KPNB1: variants seen among roughly 807,000 people sequenced by gnomAD.
KPNB1 encodes karyopherin subunit beta 1, also known as importin subunit beta-1.
Under a neutral mutation model 113.0 loss-of-function variants are expected in KPNB1, and 7 were observed. The ratio of observed to expected loss-of-function variants is 0.06; its 90% CI spans 0.04 to 0.12. The LOEUF is 0.12. KPNB1 is among the 10% of genes least tolerant of loss of function. The probability of loss-of-function intolerance (pLI) is 1.00; values close to 1 mark genes in which losing one functional copy is unlikely to be tolerated. For missense variants in KPNB1, 400 were observed against 1,054.8 expected, an observed-to-expected ratio of 0.38 and a Z score of 8.60; for synonymous variants, 363 against 378.6, an observed-to-expected ratio of 0.96 and a Z score of 0.48.
Position 47,665,198 on chromosome 17 carries a change from C to T in KPNB1, c.999+40C>T, listed in dbSNP as rs1040889806. On this transcript the variant is annotated intron_variant, in intron 9 of 21. Coordinates refer to ENST00000290158, the MANE Select transcript of KPNB1 (RefSeq NM_002265.6). ...AAATATAGGTAGGTAAGCTGTGGAA[C>T]CTTACTAAGAGTAAACTGTGGAAAC... 5 of 1,480,362 alleles carry T rather than the reference C, an allele frequency of 3.4e-6. No homozygotes were observed. In the African/African-American group the frequency reaches 6.9e-5, roughly 20 times the overall value. The allele number at this position is 1,480,362 out of a possible 1,614,324, so 91.7% of individuals were successfully genotyped here.
intron 6 of KPNB1, among the ~76,000 whole-genome samples, chr17:47,661,958 TC>T (rs2030112176): frequency 6.6e-6 from 1 of 152,226 alleles, no homozygotes; most frequent in African/African-American, 2.4e-5. Flanking sequence ...CATAGGTTAT[TC>T]AAGTGATTGT....
At chr17:47,668,656 C>G (rs898144255) in intron 10 of KPNB1, among the ~76,000 whole-genome samples, 1 of 152,116 alleles carries the variant, frequency 6.6e-6, no homozygotes, top group East Asian at 1.9e-4. Flanking sequence ...CCCAGAAATA[C>G]CACTCTTAAC....
At chr17:47,675,361 G>GTTTTTGTTTGTTT (rs2030568124) in intron 15 of KPNB1, among the ~76,000 whole-genome samples, 1 of 88,692 alleles carries the variant, frequency 1.1e-5, no homozygotes, top group African/African-American at 4.6e-5. Flanking sequence ...CAGAGGTGTT[G>GTTTTTGTTTGTTT]TTTTTTTTTT....
chr17:47,684,270 A>T lies in KPNB1; in HGVS notation c.*1866A>T, dbSNP rs571736845. On this transcript the variant is annotated 3_prime_UTR_variant, in exon 22 of 22. Coordinates refer to ENST00000290158, the MANE Select transcript of KPNB1 (RefSeq NM_002265.6). The stretch of plus-strand genomic sequence containing the variant: ...CCATCCATATGGCAGCATCTCTAAT[A>T]GCTCTTGTACAGGGTATCAGATATT... The T allele has an allele frequency of 6.6e-6, 1 of 151,952 alleles. No individual in the cohort carries two copies. The highest frequency in any genetic ancestry group is 2.1e-4 in the South Asian group (1 of 4,812). 9.4% of individuals were successfully genotyped at this position (151,952 alleles called of 1,614,324 possible). A position where few individuals can be genotyped will look rare whatever the true frequency, so the allele number is the denominator to read the frequency against.
chr17:47,660,976 GGGAGAGT>G, intron 5 of KPNB1, 136 bp from the exon 6 acceptor site: 1 of 674,034 alleles, frequency 1.5e-6, no homozygotes, highest in South Asian at 1.6e-5. Flanking sequence ...ACCATCTCAA[GGGAGAGT>G]GGCTTGATTG....
At chr17:47,669,421 G>C (rs1410112520) in intron 10 of KPNB1, among the ~76,000 whole-genome samples, 1 of 152,024 alleles carries the variant, frequency 6.6e-6, no homozygotes, top group South Asian at 2.1e-4. Context: ...CATCATGCCC[G>C]GCCTCTATCT....
At chr17:47,654,066 G>C (rs1915652745) in intron 3 of KPNB1, among the ~76,000 whole-genome samples, 1 of 152,094 alleles carries the variant, frequency 6.6e-6, no homozygotes, top group African/African-American at 2.4e-5. Flanking sequence ...AATTGGAATT[G>C]TAATTGGCTT....
In KPNB1 at chr17:47,677,058, C is replaced by T. The variant is rs72628350; in HGVS notation, c.2034C>T (p.Cys678=). 5,423 of 1,613,972 alleles carry T rather than the reference C, an allele frequency of 3.4e-3. 140 individuals are homozygous for T. In the East Asian group the frequency reaches 0.072, roughly 21 times the overall value. The change falls in exon 17 of 22, where the codon TGC becomes TGT. Residue 678 remains cysteine, a synonymous_variant. Coordinates refer to ENST00000290158, the MANE Select transcript of KPNB1 (RefSeq NM_002265.6). ...CTGTGGGCTTAGTGGGAGACTTGTG[C>T]CGTGCCCTGCAATCCAACATCATAC... ...LAAVGLVGDL[C]RALQSNIIPF...
intron 19 of KPNB1, chr17:47,678,687 A>G (rs988309837): frequency 8.3e-6 from 3 of 359,916 alleles, no homozygotes; most frequent in African/African-American, 6.2e-5. Context: ...GGCTCACTGC[A>G]ACCTCCACCT....
chr17:47,676,244 T>C (rs1286987727), intron 15 of KPNB1, among the ~76,000 whole-genome samples, 165 bp from the exon 16 acceptor site: 1 of 152,232 alleles, frequency 6.6e-6, no homozygotes, highest in African/African-American at 2.4e-5. Flanking sequence ...ATTTGGCTTA[T>C]GCAAGCCTTT....
rs978370601 is a variant in KPNB1 at position 47,670,559 on chromosome 17, C to A, written c.1417-143C>A. The A allele has an allele frequency of 8.9e-5, 59 of 659,240 alleles. No homozygotes were observed. The African/African-American group carries it at 1.0e-3, about 11-fold the overall frequency. 40.8% of individuals were successfully genotyped at this position (659,240 alleles called of 1,614,324 possible). On this transcript the variant is annotated intron_variant, in intron 11 of 21. Transcript: ENST00000290158. The stretch of plus-strand genomic sequence containing the variant: ...AAATAAATAGTTAGTTTAAAAGATA[C>A]CTGTAAAATGCTGTCTTGAGATGAC...
At chr17:47,668,765 T>C (rs1476852526) in intron 10 of KPNB1, among the ~76,000 whole-genome samples, 3 of 152,218 alleles carry the variant, frequency 2.0e-5, no homozygotes, top group African/African-American at 7.2e-5. Flanking sequence ...TTTAATACTA[T>C]GTTGTAAACA....
At chr17:47,665,366 A>G (rs755081051) in intron 9 of KPNB1, among the ~76,000 whole-genome samples, 1 of 152,192 alleles carries the variant, frequency 6.6e-6, no homozygotes, top group Non-Finnish European at 1.5e-5. Context: ...TCTCAGATGC[A>G]TCTTGCTCAG....
chr17:47,672,958 C>T (rs2030494669), intron 12 of KPNB1, 60 bp from the exon 13 acceptor site: 1 of 1,517,174 alleles, frequency 6.6e-7, no homozygotes, highest in African/African-American at 1.4e-5. Context: ...AAGACATTGT[C>T]TATGTTCTTC....
chr17:47,677,566 C>G (rs2030653171), intron 17 of KPNB1, among the ~76,000 whole-genome samples: 1 of 151,180 alleles, frequency 6.6e-6, no homozygotes, highest in South Asian at 2.1e-4. Flanking sequence ...TTGTTCATTT[C>G]ACAGATGACT....
At chr17:47,658,425 A>G in intron 4 of KPNB1, 83 bp from the exon 5 acceptor site, 1 of 1,435,200 alleles carries the variant, frequency 7.0e-7, no homozygotes. Flanking sequence ...TTTTCAATCC[A>G]TAGTTGTTTG....
intron 3 of KPNB1, among the ~76,000 whole-genome samples, chr17:47,655,431 T>C (rs1915690629): frequency 6.6e-6 from 1 of 152,220 alleles, no homozygotes; most frequent in South Asian, 2.1e-4. Flanking sequence ...AACAAATCCT[T>C]TCAGATTGGA....
chr17:47,681,048 TG>T (rs2030756057), intron 21 of KPNB1, among the ~76,000 whole-genome samples: 1 of 115,878 alleles, frequency 8.6e-6, no homozygotes, highest in Admixed American at 9.2e-5. Flanking sequence ...CAAAGTCAAA[TG>T]TTTTTTTGTG....
At chr17:47,671,091 A>C (rs1316270988) in intron 12 of KPNB1, among the ~76,000 whole-genome samples, 1 of 152,228 alleles carries the variant, frequency 6.6e-6, no homozygotes, top group African/African-American at 2.4e-5. Context: ...CCCTGTCTCT[A>C]CTAAAAATAC....
Sources: allele counts gnomAD v4.1 joint callset (sites outside exome capture counted in the v4.1 genomes callset), GRCh38; gene constraint gnomAD v4.1.1; transcripts MANE v1.5; gene names NCBI Gene and HGNC (gene_info 2026-07-23, HGNC 2026-07-21).